Variants in TXNDC11 observed in about 807,000 individuals in gnomAD.
TXNDC11 encodes thioredoxin domain containing 11.
A neutral mutation model predicts 78.0 loss-of-function variants in TXNDC11; 68 were observed. The ratio of observed to expected loss-of-function variants is 0.87; its 90% confidence interval spans 0.72 to 1.07. TXNDC11 has a LOEUF of 1.07. Among genes scored for constraint, TXNDC11 ranks in the 50% least tolerant of loss-of-function variants. The probability of loss-of-function intolerance (pLI) is 0.00; values close to 1 mark genes in which losing one functional copy is unlikely to be tolerated. For missense variants in TXNDC11, 1,389 were observed against 1,221.8 expected (o/e 1.14, Z -2.04); for synonymous variants, 571 against 495.2 (o/e 1.15, Z -2.03).
At chr16:11,698,682 C>A (rs1420490723) in intron 6 of TXNDC11, among the ~76,000 whole-genome samples, 1 of 152,216 alleles carries the variant, frequency 6.6e-6, no homozygotes, top group Non-Finnish European at 1.5e-5. Flanking sequence ...CATAAAAGGA[C>A]CAAGACATAT....
chr16:11,708,557 C>T (rs1346411300), intron 5 of TXNDC11, among the ~76,000 whole-genome samples: 1 of 152,184 alleles, frequency 6.6e-6, no homozygotes. Flanking sequence ...ATCATGGAGA[C>T]TTCTGCATGA....
chr16:11,697,436 G>C (rs1357821339), intron 7 of TXNDC11, among the ~76,000 whole-genome samples: 1 of 152,150 alleles, frequency 6.6e-6, no homozygotes, highest in Non-Finnish European at 1.5e-5. Flanking sequence ...GGCTCGCTCT[G>C]CATACTGTGC....
At chr16:11,712,564 T>C (rs769569537) in intron 5 of TXNDC11, among the ~76,000 whole-genome samples, 10 of 152,108 alleles carry the variant, frequency 6.6e-5, no homozygotes, top group African/African-American at 2.4e-4. Context: ...CCTCAAATGG[T>C]TGTTGAATTA....
In TXNDC11 at chr16:11,721,667, C is replaced by T; in HGVS notation, c.703G>A (p.Gly235Arg). The part of the protein sequence containing the change: ...LLDFLSNYEP[G>R]VLGYFEFSGS... ...CTGAACTCAAAGTACCCGAGTACTC[C>T]AGGCTGCAGGAAAAAGAGCAGAATT... The change falls in exon 5 of 12, where the codon GGA (glycine) becomes AGA (arginine). Residue 235 changes from glycine to arginine, a missense_variant. Gly to Arg is a moderately radical substitution (Grantham distance 125). Transcript: ENST00000283033. 1 of 1,606,672 alleles carries T rather than the reference C, an allele frequency of 6.2e-7. No homozygotes were observed. The highest frequency in any genetic ancestry group is 8.5e-7 in the Non-Finnish European group (1 of 1,174,552).
In TXNDC11 at chr16:11,736,095, G is replaced by A. The variant is rs1486112299; in HGVS notation, c.393C>T (p.Phe131=). The A allele has an allele frequency of 6.2e-7, 1 of 1,614,058 alleles. No individual in the cohort carries two copies. Among genetic ancestry groups the A allele is most frequent in the African/African-American group, 1.3e-5 (1 of 74,910 alleles). The change falls in exon 2 of 12, where the codon TTC becomes TTT. Residue 131 remains phenylalanine, a synonymous_variant. Transcript: ENST00000283033. ...VRRDSEVVLL[F]FYAPWCGQSI... is the part of the protein sequence containing the mutation. ...ACTGTCCACACCAAGGGGCATAGAA[G>A]AAGAGCAGTACCACCTCTGAATCCC...
At chr16:11,728,856 C>T (rs2051959988) in intron 4 of TXNDC11, among the ~76,000 whole-genome samples, 1 of 151,812 alleles carries the variant, frequency 6.6e-6, no homozygotes, top group Non-Finnish European at 1.5e-5. Flanking sequence ...AAAAAATTAG[C>T]CAGGTATGAT....
At chr16:11,688,798 A>G (rs1468537415) in intron 8 of TXNDC11, among the ~76,000 whole-genome samples, 1 of 152,220 alleles carries the variant, frequency 6.6e-6, no homozygotes, top group Non-Finnish European at 1.5e-5. Context: ...ACCCTATAAT[A>G]CTAAGACCTT....
At chr16:11,688,705 T>G (rs2050632032) in intron 8 of TXNDC11, 1 of 301,344 alleles carries the variant, frequency 3.3e-6, no homozygotes. Context: ...GACTATTCTT[T>G]TTTTAAAAGG....
rs776040947 is a variant in TXNDC11, at chr16:11,691,525, G to A, written c.1665C>T (p.Asn555=). 7 of 1,614,166 alleles carry A rather than the reference G, an allele frequency of 4.3e-6. No individual in the cohort carries two copies. In the Admixed American group the frequency reaches 8.3e-5, roughly 19 times the overall value. ...TGTCCACTTCTGGAAAGAGATACCT[G>A]TTCTCCTCAATGTGAGGAACGGAGC... ...APSSVPHIEE[N]RYLFPEVDMT... The change falls in exon 8 of 12, where the codon AAC becomes AAT. Residue 555 remains asparagine, a synonymous_variant. Transcript: ENST00000283033.
At chr16:11,684,777 C>T (rs1001008981) in intron 10 of TXNDC11, among the ~76,000 whole-genome samples, 1 of 152,194 alleles carries the variant, frequency 6.6e-6, no homozygotes, top group Non-Finnish European at 1.5e-5. Context: ...GGGAGCTAAC[C>T]GCAACTGCTC....
Position 11,730,766 on chromosome 16 carries a change from G to A in TXNDC11, c.578C>T (p.Pro193Leu), listed in dbSNP as rs912940751. The change falls in exon 4 of 12, where the codon CCA becomes CTA. Residue 193 changes from proline to leucine, a missense_variant. Transcript: ENST00000283033. ...VIYLYHRSFG[P>L]IEYKGPMSAV... ...ACTCATGGGGCCTTTGTATTCGATT[G>A]GTCCAAAACTAGTACCAAAAAATAA... The A allele has an allele frequency of 2.5e-6, 4 of 1,573,150 alleles. No homozygotes were observed. Among genetic ancestry groups the A allele is most frequent in the South Asian group, 1.2e-5 (1 of 81,662 alleles).
intron 1 of TXNDC11, among the ~76,000 whole-genome samples, chr16:11,739,101 A>C (rs2052318259): frequency 6.6e-6 from 1 of 152,234 alleles, no homozygotes; most frequent in South Asian, 2.1e-4. Context: ...ACAGTCAACG[A>C]AAGGATAAAG....
chr16:11,705,145 G>A (rs1375744241), intron 5 of TXNDC11, among the ~76,000 whole-genome samples: 1 of 152,010 alleles, frequency 6.6e-6, no homozygotes, highest in Non-Finnish European at 1.5e-5. Flanking sequence ...GATCCACCTG[G>A]CCTCAGCCTC....
At chr16:11,715,257 T>A (rs1316250408) in intron 5 of TXNDC11, among the ~76,000 whole-genome samples, 1 of 152,118 alleles carries the variant, frequency 6.6e-6, no homozygotes, top group East Asian at 1.9e-4. Context: ...AATAGTTTAG[T>A]GTATTTCCAA....
intron 5 of TXNDC11, 90 bp from the exon 6 acceptor site, chr16:11,700,654 C>T: frequency 3.2e-6 from 2 of 632,288 alleles, no homozygotes; most frequent in South Asian, 2.1e-5. Flanking sequence ...AGCACAAACC[C>T]CTGCAGCTAA....
intron 5 of TXNDC11, among the ~76,000 whole-genome samples, chr16:11,711,533 C>G (rs938416859): frequency 4.7e-4 from 72 of 152,314 alleles, no homozygotes; most frequent in African/African-American, 1.6e-3. Flanking sequence ...GACAACTAGA[C>G]TGTCCATCTC....
chr16:11,703,899 C>T (rs896404986), intron 5 of TXNDC11: 7 of 535,320 alleles, frequency 1.3e-5, no homozygotes, highest in Non-Finnish European at 2.4e-5. Flanking sequence ...TGAGACCAGC[C>T]TGGCCAACAT....
chr16:11,679,652 ATCTC>A lies in TXNDC11; in HGVS notation c.2416_2419del (p.Glu806SerfsTer4), dbSNP rs1216090468. On this transcript the variant is annotated frameshift_variant, in exon 12 of 12. Transcript: ENST00000283033. LOFTEE classifies it low-confidence loss of function (END_TRUNC). The surrounding 1 kb of genome is among the most constrained non-coding windows in gnomAD (Gnocchi z 4.6). ...GCTTATTTCTGCTCTCAGTTTCTGG[ATCTC>A]TCTCTCCAAGTGGGAGATGTGCCCC... is the stretch of plus-strand genomic sequence containing the variant. The A allele has an allele frequency of 1.2e-6, 2 of 1,614,042 alleles. No individual in the cohort carries two copies. Among genetic ancestry groups the A allele is most frequent in the Non-Finnish European group, 8.5e-7 (1 of 1,180,010 alleles).
rs528489096 is a variant in TXNDC11 at position 11,738,942 on chromosome 16, G to A, written c.255-2709C>T. On this transcript the variant is annotated intron_variant, in intron 1 of 11. Coordinates refer to ENST00000283033, the MANE Select transcript of TXNDC11 (RefSeq NM_015914.7). ...CTTGGGAGGCTGAGGCAGGAGAATC[G>A]CTTGAACACGGGAGGCGGAGTTTGC... Among the ~76,000 whole-genome samples, 84 of 151,998 alleles carry A rather than the reference G, an allele frequency of 5.5e-4. 1 individual carries two copies. The highest frequency in any genetic ancestry group is 8.8e-4 in the Non-Finnish European group (60 of 68,010).
Sources: gnomAD v4.1 joint callset for allele counts (sites outside exome capture counted in the v4.1 genomes callset) on GRCh38, gnomAD v4.1.1 for gene constraint, Gnocchi (gnomAD v3.1) non-coding constraint, MANE v1.5 for transcripts, NCBI Gene and HGNC (gene_info 2026-07-23, HGNC 2026-07-21) for gene names.